Variants in NPEPL1 observed in about 807,000 individuals in gnomAD.
NPEPL1 encodes aminopeptidase like 1.
Under a neutral mutation model 52.4 loss-of-function variants are expected in NPEPL1, and 45 were observed. The observed-to-expected ratio is 0.86, with a 90% CI of 0.68 to 1.10. The LOEUF is 1.10. NPEPL1 is among the 50% of genes least tolerant of loss of function. The pLI is 0.00. For synonymous variants in NPEPL1, 360 were observed against 314.7 expected, an observed-to-expected ratio of 1.14 and a Z score of -1.52; for missense variants, 696 against 710.9, an observed-to-expected ratio of 0.98 and a Z score of 0.24.
At position 58,700,628 on chromosome 20, in the gene NPEPL1, C is replaced by T. The variant is rs528402414; in HGVS notation, c.680-388C>T. The stretch of plus-strand genomic sequence containing the variant: ...GACTGTGGGAGCGAGTGTGAAAGGG[C>T]GGTGCAGTCCCTGAGTGCTCAAAGG... On this transcript the variant is annotated intron_variant, in intron 5 of 11. Transcript: ENST00000356091. Among the ~76,000 whole-genome samples, 5 of 152,302 alleles carry T rather than the reference C, an allele frequency of 3.3e-5. No homozygotes were observed. The East Asian group carries it at 7.7e-4, about 24-fold the overall frequency.
rs1302394832 is a variant in NPEPL1, at chr20:58,707,153, G to A, written c.853G>A (p.Gly285Arg). 1.3e-5 allele frequency: 20 copies of A among 1,552,610 alleles called. No individual in the cohort carries two copies. Among genetic ancestry groups the A allele is most frequent in the South Asian group, 2.4e-5 (2 of 84,186 alleles). The change falls in exon 7 of 12, where the codon GGG becomes AGG. Residue 285 changes from glycine to arginine, a missense_variant. Coordinates refer to ENST00000356091, the MANE Select transcript of NPEPL1 (RefSeq NM_024663.4). ...TTMPGMKRDC[G>R]GAAAVLGAFR... ...CATGCCGGGGATGAAGCGAGACTGCGGGGGTGCTGCGGCCGTCCTGGGGGC... is the reference window on the plus strand; with the variant it reads ...CATGCCGGGGATGAAGCGAGACTGCAGGGGTGCTGCGGCCGTCCTGGGGGC...
chr20:58,698,917 CTG>C (rs1414949918), intron 4 of NPEPL1, 144 bp downstream of exon 4: 4 of 723,050 alleles, frequency 5.5e-6, no homozygotes, highest in Non-Finnish European at 9.1e-6. Flanking sequence ...GCGCTGCTGT[CTG>C]CCGGGCTCCA....
intron 6 of NPEPL1, chr20:58,705,439 A>C (rs529129840): frequency 1.1e-4 from 48 of 455,724 alleles, no homozygotes; most frequent in South Asian, 7.3e-4. Flanking sequence ...TTAAAAATTA[A>C]TTTTACTGCT....
At position 58,693,011 on chromosome 20, in the gene NPEPL1, C is replaced by A; in HGVS notation, c.111C>A (p.Ser37Arg). 2 of 1,116,030 alleles carry A rather than the reference C, an allele frequency of 1.8e-6. No homozygotes were observed. The highest frequency in any genetic ancestry group is 2.2e-6 in the Non-Finnish European group (2 of 902,454). 69.1% of individuals were successfully genotyped at this position (1,116,030 alleles called of 1,614,324 possible). ...QLHHLHRVPW[S>R]HVRGKLQPRV... ...ACCACCTGCACCGCGTGCCCTGGAGCCACGTCCGCGGGAAGCTGCAGCCCC... is the reference window on the plus strand; with the variant it reads ...ACCACCTGCACCGCGTGCCCTGGAGACACGTCCGCGGGAAGCTGCAGCCCC... The change falls in exon 1 of 12, where the codon AGC becomes AGA. Residue 37 changes from serine to arginine, a missense_variant. Physicochemically the swap from Ser to Arg is moderately radical, Grantham distance 110. Transcript: ENST00000356091.
At chr20:58,697,526 A>T (rs1317367138) in intron 3 of NPEPL1, among the ~76,000 whole-genome samples, 1 of 152,142 alleles carries the variant, frequency 6.6e-6, no homozygotes, top group African/African-American at 2.4e-5. Flanking sequence ...AGGGCGGGGG[A>T]GGTGGCCAGG....
intron 7 of NPEPL1, among the ~76,000 whole-genome samples, chr20:58,708,669 C>T (rs1253155315): frequency 6.6e-6 from 1 of 152,228 alleles, no homozygotes; most frequent in African/African-American, 2.4e-5. Flanking sequence ...TCTTGACTGC[C>T]CCAGCATCAT....
At chr20:58,692,055 G>A, upstream of NPEPL1, 3 of 576,984 alleles carry the variant, frequency 5.2e-6, no homozygotes, top group East Asian at 2.9e-5. This position sits in a 1 kb window ranked among gnomAD's most constrained non-coding sequence, Gnocchi z 5.7. Flanking sequence ...CTCCTTCCTC[G>A]TCTCATCTCG....
chr20:58,714,784 C>T (rs2084921585), intron 11 of NPEPL1, 114 bp downstream of exon 11: 1 of 828,598 alleles, frequency 1.2e-6, no homozygotes, highest in Non-Finnish European at 1.9e-6. Flanking sequence ...GTCTGTGACC[C>T]AGCTTCCAGC....
At chr20:58,705,569 TGTAA>T (rs772032027) in intron 6 of NPEPL1, 18 of 455,802 alleles carry the variant, frequency 3.9e-5, no homozygotes, top group South Asian at 2.2e-4. Flanking sequence ...GCACAGGGGG[TGTAA>T]GTGTCAGCCC....
intron 5 of NPEPL1, among the ~76,000 whole-genome samples, chr20:58,700,012 GGGGCTGGCGATGTGCTTCC>G (rs2084580645): frequency 6.6e-6 from 1 of 152,234 alleles, no homozygotes; most frequent in Admixed American, 6.5e-5. Flanking sequence ...GGGCTTGCCT[GGGGCTGGCGATGTGCTTCC>G]GGGCAGGCTC....
At chr20:58,709,254 G>A (rs2084791515) in intron 7 of NPEPL1, among the ~76,000 whole-genome samples, 1 of 151,956 alleles carries the variant, frequency 6.6e-6, no homozygotes, top group Non-Finnish European at 1.5e-5. Context: ...GTCCTGCTTG[G>A]CCTTCACATA....
intron 1 of NPEPL1, 173 bp downstream of exon 1, chr20:58,693,223 C>A: frequency 3.1e-6 from 1 of 326,862 alleles, no homozygotes; most frequent in Non-Finnish European, 4.4e-6. Context: ...CCCGCGGAGG[C>A]CCAGCCCCAG....
chr20:58,691,793 G>A (rs761784991), upstream of NPEPL1: 40 of 1,546,364 alleles, frequency 2.6e-5, no homozygotes, highest in Non-Finnish European at 3.2e-5. Flanking sequence ...AACAGAGGAG[G>A]GTACCAACCA....
At position 58,692,924 on chromosome 20, in the gene NPEPL1, C is replaced by T. The variant is rs1280872503; in HGVS notation, c.24C>T (p.Phe8=). The change falls in exon 1 of 12, where the codon TTC becomes TTT. Residue 8 remains phenylalanine, a synonymous_variant. Transcript: ENST00000356091. The surrounding 1 kb of genome is among the most constrained non-coding windows in gnomAD (Gnocchi z 5.7). MANVGLQ[F]QASAGDSDPQ... Reference sequence around the variant, plus strand: ...AGATGGCGAACGTGGGGCTGCAGTTCCAGGCGAGCGCGGGGGACTCGGACC... The same window carrying T: ...AGATGGCGAACGTGGGGCTGCAGTTTCAGGCGAGCGCGGGGGACTCGGACC... 1.8e-6 allele frequency: 2 copies of T among 1,120,196 alleles called. No individual in the cohort carries two copies. Among genetic ancestry groups the T allele is most frequent in the Non-Finnish European group, 2.2e-6 (2 of 905,672 alleles). 69.4% of individuals were successfully genotyped at this position (1,120,196 alleles called of 1,614,324 possible).
chr20:58,699,249 A>T lies in NPEPL1; in HGVS notation c.650A>T (p.Asp217Val), dbSNP rs201082731. 2.2e-5 allele frequency: 35 copies of T among 1,607,896 alleles called. No homozygotes were observed. The highest frequency in any genetic ancestry group is 2.8e-5 in the Non-Finnish European group (33 of 1,177,224). The part of the protein sequence containing the change: ...ELGIIPTIIR[D>V]EELKTRGFGG... ...GGGATCATCCCAACCATCATCCGGGATGAGGAACTGAAGACGAGAGGATTT... is the reference window on the plus strand; with the variant it reads ...GGGATCATCCCAACCATCATCCGGGTTGAGGAACTGAAGACGAGAGGATTT... The change falls in exon 5 of 12, where the codon GAT becomes GTT. Residue 217 changes from aspartate (D) to valine (V), a missense_variant. Coordinates refer to ENST00000356091, the MANE Select transcript of NPEPL1 (RefSeq NM_024663.4).
intron 6 of NPEPL1, 65 bp from the exon 7 acceptor site, chr20:58,707,058 G>C: frequency 6.7e-7 from 1 of 1,488,670 alleles, no homozygotes; most frequent in South Asian, 1.2e-5. Context: ...GGGGTGGGGG[G>C]CTTCCGCTGC....
chr20:58,711,358 C>G (rs1246065170), intron 7 of NPEPL1: 3 of 152,082 alleles, frequency 2.0e-5, no homozygotes. Context: ...AGGCCGTGGT[C>G]ACTGTACACA....
chr20:58,701,962 A>G (rs2084634447), intron 6 of NPEPL1, among the ~76,000 whole-genome samples: 1 of 152,090 alleles, frequency 6.6e-6, no homozygotes, highest in African/African-American at 2.4e-5. Context: ...CCTCCGCACC[A>G]TCTCCATCCA....
intron 5 of NPEPL1, 42 bp downstream of exon 5, chr20:58,699,320 G>C (rs1323202487): frequency 6.7e-7 from 1 of 1,493,702 alleles, no homozygotes; most frequent in Non-Finnish European, 9.1e-7. Flanking sequence ...GCCTCGGGCA[G>C]TGGCCAGGGG....
Sources: allele counts gnomAD v4.1 joint callset (sites outside exome capture counted in the v4.1 genomes callset), GRCh38; gene constraint gnomAD v4.1.1; non-coding constraint Gnocchi (gnomAD v3.1); transcripts MANE v1.5; gene names NCBI Gene and HGNC (gene_info 2026-07-23, HGNC 2026-07-21).